Variants in LYVE1 observed in about 807,000 individuals in gnomAD.
LYVE1 encodes lymphatic vessel endothelial hyaluronan receptor 1.
A neutral mutation model predicts 31.5 loss-of-function variants in LYVE1; 29 were observed. That is an observed-to-expected ratio of 0.92 (90% CI 0.69 to 1.26). The LOEUF (loss-of-function observed/expected upper bound fraction) is 1.26. Ranked by LOEUF, LYVE1 falls within the 50% of genes most tolerant of loss-of-function variation. LYVE1 has a pLI of 0.00. For missense variants in LYVE1, 376 were observed against 380.2 expected (o/e 0.99, Z 0.09); for synonymous variants, 134 against 139.4 (o/e 0.96, Z 0.27).
At position 10,559,209 on chromosome 11, in the gene LYVE1, T is replaced by C; in HGVS notation, c.871A>G (p.Ser291Gly). 1 of 1,614,118 alleles carries C rather than the reference T, an allele frequency of 6.2e-7. No individual in the cohort carries two copies. Among genetic ancestry groups the C allele is most frequent in the Non-Finnish European group, 8.5e-7 (1 of 1,179,936 alleles). The change falls in exon 6 of 6, where the codon AGC becomes GGC. Residue 291 changes from serine to glycine, a missense_variant. Coordinates refer to ENST00000256178, the MANE Select transcript of LYVE1 (RefSeq NM_006691.4). ...TTCTTTGATTCCTCATTAGGGTTGC[T>C]ATCATTGGCCTTCTCCTCCTTTACT... ...KVVKEEKAND[S>G]NPNEESKKTD... is the part of the protein sequence containing the mutation.
intron 3 of LYVE1, 130 bp downstream of exon 3, chr11:10,563,810 G>A: frequency 1.7e-6 from 2 of 1,175,306 alleles, no homozygotes; most frequent in South Asian, 1.4e-5. Flanking sequence ...CAGAGAGACA[G>A]TGTCGGGAGA....
At position 10,559,880 on chromosome 11, in the gene LYVE1, G is replaced by A; in HGVS notation, c.718C>T (p.Leu240=). 4 of 1,613,764 alleles carry A rather than the reference G, an allele frequency of 2.5e-6. No individual in the cohort carries two copies. The highest frequency in any genetic ancestry group is 3.4e-6 in the Non-Finnish European group (4 of 1,179,712). The part of the protein sequence containing the change: ...AAGFGGVPTA[L]LVLALLFFGA... ...AAGAAGAGGAGAGCAAGCACTAGCA[G>A]AGCCGTGGGGACACCTGCAAGGAAC... is the stretch of plus-strand genomic sequence containing the variant. The change falls in exon 5 of 6, where the codon CTG becomes TTG. Residue 240 remains leucine (L), a synonymous_variant. Transcript: ENST00000256178.
intron 1 of LYVE1, among the ~76,000 whole-genome samples, chr11:10,566,559 A>G (rs902621211): frequency 6.6e-6 from 1 of 152,128 alleles, no homozygotes; most frequent in African/African-American, 2.4e-5. Flanking sequence ...TGAGCTTGCT[A>G]TTGCTCAGGT....
chr11:10,559,874 C>G lies in LYVE1; in HGVS notation c.724G>C (p.Val242Leu), dbSNP rs1850383771. 1 of 1,613,900 alleles carries G rather than the reference C, an allele frequency of 6.2e-7. No homozygotes were observed. Among genetic ancestry groups the G allele is most frequent in the Non-Finnish European group, 8.5e-7 (1 of 1,179,820 alleles). ...GFGGVPTALL[V>L]LALLFFGAAA... is the part of the protein sequence containing the mutation. The stretch of plus-strand genomic sequence containing the variant: ...GCACCAAAGAAGAGGAGAGCAAGCA[C>G]TAGCAGAGCCGTGGGGACACCTGCA... The change falls in exon 5 of 6, where the codon GTG (valine) becomes CTG (leucine). Residue 242 changes from valine to leucine, a missense_variant. By Grantham distance (32) the Val-to-Leu change is conservative. Transcript: ENST00000256178.
intron 4 of LYVE1, among the ~76,000 whole-genome samples, chr11:10,560,265 C>A (rs548942236): frequency 6.6e-6 from 1 of 152,246 alleles, no homozygotes; most frequent in South Asian, 2.1e-4. Context: ...TTTTAAAAGT[C>A]TTGAGTTTTC....
rs149287979 is a variant in LYVE1, at chr11:10,560,688, C to T, written c.510G>A (p.Ser170=). ...TEFIVSDSTY[S]VASPYSTIPA... ...GTATTGTAGAGTAAGGGGATGCCAC[C>T]GAGTAGGTACTGTCACTGACAATAA... Residue 170 remains serine (S), a synonymous_variant, in exon 4 of 6, where the codon TCG becomes TCA. Coordinates refer to ENST00000256178, the MANE Select transcript of LYVE1 (RefSeq NM_006691.4). 2.8e-4 allele frequency: 451 copies of T among 1,613,768 alleles called. 2 individuals are homozygous for T. Among genetic ancestry groups the T allele is most frequent in the South Asian group, 6.9e-4 (63 of 91,076 alleles).
At position 10,558,036 on chromosome 11, in the gene LYVE1, G is replaced by T. The variant is rs752817409; in HGVS notation, c.*1075C>A. ...TTAGGTATGTTAATAATAAATTAAG[G>T]TTATAATGGTTGCCATATTAGAGAA... On this transcript the variant is annotated 3_prime_UTR_variant, in exon 6 of 6. Coordinates refer to ENST00000256178, the MANE Select transcript of LYVE1 (RefSeq NM_006691.4). 7 of 152,138 alleles carry T rather than the reference G, an allele frequency of 4.6e-5. No homozygotes were observed. The highest frequency in any genetic ancestry group is 1.0e-4 in the Non-Finnish European group (7 of 68,032). The allele number at this position is 152,138 out of a possible 1,614,324, so 9.4% of individuals were successfully genotyped here. A position where few individuals can be genotyped will look rare whatever the true frequency, so the allele number is the denominator to read the frequency against.
chr11:10,562,389 G>C (rs1393042127), intron 3 of LYVE1, among the ~76,000 whole-genome samples: 1 of 152,208 alleles, frequency 6.6e-6, no homozygotes, highest in African/African-American at 2.4e-5. Context: ...ATGAAGTGAG[G>C]GAACTGGTCA....
rs1338571616 is a variant in LYVE1 at position 10,564,321 on chromosome 11, T to A, written c.139A>T (p.Lys47Ter). ...GTGAAATTCAGCTGCTGGTTCGCCT[T>A]TTTGCTCACAAGGGTGATCCCCATA... ...RIMGITLVSK[K>*]ANQQLNFTEA... Residue 47 changes from lysine to a stop codon, truncating the protein, a stop_gained, in exon 2 of 6, where the codon AAG becomes TAG. Coordinates refer to ENST00000256178, the MANE Select transcript of LYVE1 (RefSeq NM_006691.4). LOFTEE classifies it high-confidence loss of function. 3 of 1,614,076 alleles carry A rather than the reference T, an allele frequency of 1.9e-6. No individual in the cohort carries two copies. The highest frequency in any genetic ancestry group is 3.3e-5 in the Admixed American group (2 of 60,006).
At chr11:10,566,487 A>G (rs1376413099) in intron 1 of LYVE1, among the ~76,000 whole-genome samples, 1 of 152,056 alleles carries the variant, frequency 6.6e-6, no homozygotes, top group African/African-American at 2.4e-5. Flanking sequence ...AGACACACAC[A>G]CACCCCTAGG....
Position 10,560,663 on chromosome 11 carries a change from G to T in LYVE1, c.535C>A (p.Pro179Thr). The T allele has an allele frequency of 6.2e-7, 1 of 1,614,100 alleles. No homozygotes were observed. The change falls in exon 4 of 6, where the codon CCT (proline) becomes ACT (threonine). Residue 179 changes from proline (P) to threonine (T), a missense_variant. Pro to Thr is a conservative substitution (Grantham distance 38). Coordinates refer to ENST00000256178, the MANE Select transcript of LYVE1 (RefSeq NM_006691.4). Reference protein sequence around the residue: ...YSVASPYSTIPAPTTTPPAPA... With the variant: ...YSVASPYSTITAPTTTPPAPA... ...GCAGGAGGAGTAGTAGTAGGGGCAG[G>T]TATTGTAGAGTAAGGGGATGCCACC...
At chr11:10,566,474 C>A (rs1047573368) in intron 1 of LYVE1, among the ~76,000 whole-genome samples, 3 of 152,156 alleles carry the variant, frequency 2.0e-5, no homozygotes, top group Admixed American at 2.0e-4. Flanking sequence ...AATGAACACA[C>A]ACAGACACAC....
At position 10,568,632 on chromosome 11, in the gene LYVE1, T is replaced by A; in HGVS notation, c.-100A>T. On this transcript the variant is annotated 5_prime_UTR_variant, in exon 1 of 6. Transcript: ENST00000256178. ...TAGTCCGGATGGAGAGTTCTGGAACTATGTTGAGGCTCACACTCACTGCTC... is the reference window on the plus strand; with the variant it reads ...TAGTCCGGATGGAGAGTTCTGGAACAATGTTGAGGCTCACACTCACTGCTC... 1 of 1,443,924 alleles carries A rather than the reference T, an allele frequency of 6.9e-7. No homozygotes were observed. Among genetic ancestry groups the A allele is most frequent in the Non-Finnish European group, 9.2e-7 (1 of 1,089,694 alleles). 89.4% of individuals were successfully genotyped at this position (1,443,924 alleles called of 1,614,324 possible).
At chr11:10,561,484 A>G (rs1160938728) in intron 3 of LYVE1, among the ~76,000 whole-genome samples, 3 of 152,168 alleles carry the variant, frequency 2.0e-5, no homozygotes, top group Non-Finnish European at 4.4e-5. Context: ...AAGACCTGAT[A>G]TTTCTGGGCT....
intron 1 of LYVE1, among the ~76,000 whole-genome samples, chr11:10,566,938 T>C (rs116931792): frequency 0.01 from 1,545 of 152,294 alleles, 9 homozygotes; most frequent in Non-Finnish European, 0.015. Context: ...GGAGCTGGAA[T>C]TTAAGGGAGT....
chr11:10,558,796 T>C lies in LYVE1; in HGVS notation c.*315A>G, dbSNP rs889207579. 1.6e-5 allele frequency: 4 copies of C among 252,504 alleles called. No homozygotes were observed. Among genetic ancestry groups the C allele is most frequent in the South Asian group, 1.3e-4 (1 of 7,590 alleles). 15.6% of individuals were successfully genotyped at this position (252,504 alleles called of 1,614,324 possible). On this transcript the variant is annotated 3_prime_UTR_variant, in exon 6 of 6. Coordinates refer to ENST00000256178, the MANE Select transcript of LYVE1 (RefSeq NM_006691.4). The stretch of plus-strand genomic sequence containing the variant: ...AGGCCTTTTTACCACTGGATACTGA[T>C]GAGATGTTTTAGGTCCTTGCACTTT...
At chr11:10,568,337 C>G (rs1564880291) in intron 1 of LYVE1, 111 bp downstream of exon 1, 1 of 999,318 alleles carries the variant, frequency 1.0e-6, no homozygotes. Context: ...ACCAATTAGA[C>G]CTGCTGTTGA....
Position 10,559,250 on chromosome 11 carries a change from A to G in LYVE1, c.830T>C (p.Met277Thr), listed in dbSNP as rs1330965663. ...PFTNKNQQKE[M>T]IETKVVKEEK... is the part of the protein sequence containing the mutation. ...CTCCTTTACTACTTTGGTTTCGATC[A>G]TTTCCTTCTGCTGATTCTTGTTTGT... The change falls in exon 6 of 6, where the codon ATG (methionine) becomes ACG (threonine). Residue 277 changes from methionine to threonine, a missense_variant. Physicochemically the swap from Met to Thr is moderately conservative, Grantham distance 81. Transcript: ENST00000256178. 6 of 1,613,964 alleles carry G rather than the reference A, an allele frequency of 3.7e-6. No individual in the cohort carries two copies. The Middle Eastern group carries it at 4.9e-4, about 133-fold the overall frequency.
chr11:10,559,077 C>A lies in LYVE1; in HGVS notation c.*34G>T. On this transcript the variant is annotated 3_prime_UTR_variant, in exon 6 of 6. Coordinates refer to ENST00000256178, the MANE Select transcript of LYVE1 (RefSeq NM_006691.4). Reference sequence around the variant, plus strand: ...GCAGGGTAAGGAGCATGAAAGAAACCAGCCTCAGGTGTGTCTCCTCATTTC... The same window carrying A: ...GCAGGGTAAGGAGCATGAAAGAAACAAGCCTCAGGTGTGTCTCCTCATTTC... The A allele has an allele frequency of 2.5e-6, 4 of 1,597,668 alleles. No individual in the cohort carries two copies. Among genetic ancestry groups the A allele is most frequent in the South Asian group, 1.1e-5 (1 of 88,374 alleles).
Sources: gnomAD v4.1 joint callset for allele counts (sites outside exome capture counted in the v4.1 genomes callset) on GRCh38, gnomAD v4.1.1 for gene constraint, MANE v1.5 for transcripts, NCBI Gene and HGNC (gene_info 2026-07-23, HGNC 2026-07-21) for gene names.